MED21: variants seen among roughly 807,000 people sequenced by gnomAD.
MED21 encodes the protein mediator of RNA polymerase II transcription subunit 21.
A neutral mutation model predicts 18.2 loss-of-function variants in MED21; 9 were observed. The observed-to-expected ratio is 0.49, with a 90% CI of 0.30 to 0.86. The LOEUF is 0.86. Ranked by LOEUF, MED21 falls within the 40% of genes least tolerant of loss-of-function variation. The probability of loss-of-function intolerance (pLI) is 0.07; values close to 1 mark genes in which losing one functional copy is unlikely to be tolerated. For synonymous variants in MED21, 73 were observed against 60.5 expected (o/e 1.21, Z -0.96); for missense variants, 150 against 170.9 (o/e 0.88, Z 0.68).
downstream of MED21, among the ~76,000 whole-genome samples, chr12:27,031,377 T>G (rs193034510): frequency 3.8e-4 from 58 of 152,296 alleles, no homozygotes; most frequent in African/African-American, 1.4e-3. Context: ...GAGTAAGTTA[T>G]GTATAATAAT....
chr12:27,034,459 A>G (rs4963677), downstream of MED21, among the ~76,000 whole-genome samples: 12,613 of 152,254 alleles, frequency 0.083, 771 homozygotes, highest in East Asian at 0.34. Flanking sequence ...ATAAATTTAA[A>G]TAGATAAACA....
chr12:27,036,200 C>T (rs1941648614), intron 2 of MED21, among the ~76,000 whole-genome samples: 1 of 152,190 alleles, frequency 6.6e-6, no homozygotes. Flanking sequence ...TGATGATGAG[C>T]ATTTTTTCAG....
At position 27,029,534 on chromosome 12, in the gene MED21, T is replaced by G; in HGVS notation, c.*1073T>G. The G allele has an allele frequency of 2.0e-6, 2 of 985,458 alleles. No homozygotes were observed. The highest frequency in any genetic ancestry group is 2.4e-6 in the Non-Finnish European group (2 of 829,940). The allele number at this position is 985,458 out of a possible 1,614,324, so 61.0% of individuals were successfully genotyped here. A position where few individuals can be genotyped will look rare whatever the true frequency, so the allele number is the denominator to read the frequency against. ...CTGCAATCTGTTGCTATTCAGAGTT[T>G]AAGTTTCAGGAGAAAACAGGAACAA... is the stretch of plus-strand genomic sequence containing the variant. On this transcript the variant is annotated 3_prime_UTR_variant, in exon 4 of 4. Coordinates refer to ENST00000282892, the MANE Select transcript of MED21 (RefSeq NM_004264.5).
At chr12:27,023,200 T>G (rs1403419996) in intron 1 of MED21, among the ~76,000 whole-genome samples, 1 of 151,960 alleles carries the variant, frequency 6.6e-6, no homozygotes, top group African/African-American at 2.4e-5. Flanking sequence ...CTCTTGCCTC[T>G]TGGCCATCCC....
At chr12:27,037,620 A>G (rs1181856308) in intron 2 of MED21, 1 of 152,196 alleles carries the variant, frequency 6.6e-6, no homozygotes, top group Non-Finnish European at 1.5e-5. Flanking sequence ...ATCACAATAA[A>G]TGTATGTTTA....
chr12:27,022,609 C>A lies in MED21; in HGVS notation c.30C>A (p.Asp10Glu), dbSNP rs760630126. 2 of 1,589,332 alleles carry A rather than the reference C, an allele frequency of 1.3e-6. No homozygotes were observed. The highest frequency in any genetic ancestry group is 1.7e-6 in the Non-Finnish European group (2 of 1,163,184). MADRLTQLQ[D>E]AVNSLADQFC... is the part of the protein sequence containing the mutation. ...CGGATCGGCTCACGCAGCTTCAGGA[C>A]GCTGTGAATTCGGTGAGGAATTTCA... Residue 10 changes from aspartate to glutamate, a missense_variant, in exon 1 of 4, where the codon GAC becomes GAA. By Grantham distance (45) the Asp-to-Glu change is conservative. Coordinates refer to ENST00000282892, the MANE Select transcript of MED21 (RefSeq NM_004264.5).
At chr12:27,031,753 A>C (rs1297022831), downstream of MED21, among the ~76,000 whole-genome samples, 1 of 152,210 alleles carries the variant, frequency 6.6e-6, no homozygotes, top group Non-Finnish European at 1.5e-5. Flanking sequence ...TGATCGAAGA[A>C]TTAGCATTTA....
intron 1 of MED21, among the ~76,000 whole-genome samples, chr12:27,025,903 T>C (rs1191913192): frequency 6.6e-6 from 1 of 152,216 alleles, no homozygotes; most frequent in Non-Finnish European, 1.5e-5. Context: ...AATACATTTC[T>C]GCTTACTTAA....
chr12:27,023,328 C>G (rs1391299467), intron 1 of MED21, among the ~76,000 whole-genome samples: 1 of 59,322 alleles, frequency 1.7e-5, no homozygotes, highest in Non-Finnish European at 2.9e-5. Flanking sequence ...ACTTTGGAGA[C>G]AGTGCCTTTC....
chr12:27,035,480 C>T (rs1406078150), downstream of MED21, among the ~76,000 whole-genome samples: 3 of 148,894 alleles, frequency 2.0e-5, no homozygotes, highest in Non-Finnish European at 4.4e-5. Flanking sequence ...GGTACATGTG[C>T]ACAATGTGCA....
At chr12:27,022,951 T>TA (rs1941492581) in intron 1 of MED21, 2 of 1,155,668 alleles carry the variant, frequency 1.7e-6, no homozygotes, top group Admixed American at 3.7e-5. Context: ...CAGTGGTGCT[T>TA]ACGGGTTCTC....
rs558587252 is a variant in MED21, at chr12:27,028,954, T to C, written c.*493T>C. On this transcript the variant is annotated 3_prime_UTR_variant, in exon 4 of 4. Coordinates refer to ENST00000282892, the MANE Select transcript of MED21 (RefSeq NM_004264.5). ...TGGAAATTGTGTTGCTTTTAAGAAA[T>C]AGAGTTAGTGTGGCTGGATAAGAAA... The C allele has an allele frequency of 7.1e-6, 7 of 985,542 alleles. No homozygotes were observed. The highest frequency in any genetic ancestry group is 1.1e-4 in the East Asian group (1 of 8,802). 61.0% of individuals were successfully genotyped at this position (985,542 alleles called of 1,614,324 possible). A position where few individuals can be genotyped will look rare whatever the true frequency, so the allele number is the denominator to read the frequency against.
chr12:27,028,621 TG>T lies in MED21; in HGVS notation c.*161del. On this transcript the variant is annotated 3_prime_UTR_variant, in exon 4 of 4. Transcript: ENST00000282892. ...TTTAATAGTCTTCTATTTTCACTCT[TG>T]ATAAGCTTATAAAATCATGATTGAA... is the stretch of plus-strand genomic sequence containing the variant. 1 of 1,297,696 alleles carries T rather than the reference TG, an allele frequency of 7.7e-7. No individual in the cohort carries two copies. Among genetic ancestry groups the T allele is most frequent in the Non-Finnish European group, 9.8e-7 (1 of 1,019,854 alleles). The allele number at this position is 1,297,696 out of a possible 1,614,324, so 80.4% of individuals were successfully genotyped here.
Position 27,026,116 on chromosome 12 carries a change from A to AT in MED21, c.43-303dup, listed in dbSNP as rs1815689321. Among the ~76,000 whole-genome samples the AT allele has an allele frequency of 2.0e-5, 3 of 152,230 alleles. No individual in the cohort carries two copies. In the South Asian group the frequency reaches 6.2e-4, roughly 31 times the overall value. ...TGTGGCTTACAATAAGTATTGGCCA[A>AT]TATTCTCTTATCATTTTACTATCAC... On this transcript the variant is annotated intron_variant, in intron 1 of 3. Transcript: ENST00000282892.
At position 27,026,426 on chromosome 12, in the gene MED21, G is replaced by A. The variant is rs754435078; in HGVS notation, c.49G>A (p.Asp17Asn). 10 of 1,610,452 alleles carry A rather than the reference G, an allele frequency of 6.2e-6. No homozygotes were observed. In the Admixed American group the frequency reaches 1.5e-4, roughly 24 times the overall value. Residue 17 changes from aspartate to asparagine, a missense_variant, in exon 2 of 4, where the codon GAT becomes AAT. By Grantham distance (23) the Asp-to-Asn change is conservative (BLOSUM62 1). Transcript: ENST00000282892. Reference sequence around the variant, plus strand: ...ATGTTTTCTTTGGCCTAAGCTTGCAGATCAGTTTTGTAATGCCATTGGAGT... The same window carrying A: ...ATGTTTTCTTTGGCCTAAGCTTGCAAATCAGTTTTGTAATGCCATTGGAGT... ...QLQDAVNSLADQFCNAIGVLQ... is the reference protein window; with the variant it reads ...QLQDAVNSLANQFCNAIGVLQ...
At chr12:27,036,207 T>C (rs959440712) in intron 2 of MED21, among the ~76,000 whole-genome samples, 20 of 152,228 alleles carry the variant, frequency 1.3e-4, no homozygotes, top group Non-Finnish European at 2.6e-4. Context: ...GAGCATTTTT[T>C]CAGTGTCTTT....
Position 27,029,929 on chromosome 12 carries a change from A to G in MED21, c.*1468A>G, listed in dbSNP as rs912079569. 22 of 456,170 alleles carry G rather than the reference A, an allele frequency of 4.8e-5. No homozygotes were observed. Among genetic ancestry groups the G allele is most frequent in the Non-Finnish European group, 2.0e-5 (7 of 346,460 alleles). The allele number at this position is 456,170 out of a possible 1,614,324, so 28.3% of individuals were successfully genotyped here. Reference sequence around the variant, plus strand: ...GATTTATCACTAGTAAACCTGCTCTAAAAGAATTCAAGGGAAGCTTTTTAA... The same window carrying G: ...GATTTATCACTAGTAAACCTGCTCTGAAAGAATTCAAGGGAAGCTTTTTAA... On this transcript the variant is annotated 3_prime_UTR_variant, in exon 4 of 4. Coordinates refer to ENST00000282892, the MANE Select transcript of MED21 (RefSeq NM_004264.5).
At chr12:27,038,613 G>A (rs1331638499) in intron 2 of MED21, 1 of 152,206 alleles carries the variant, frequency 6.6e-6, no homozygotes, top group Non-Finnish European at 1.5e-5. Flanking sequence ...TTAATAATTT[G>A]TGCAGGGATA....
At position 27,029,153 on chromosome 12, in the gene MED21, C is replaced by T. The variant is rs985097951; in HGVS notation, c.*692C>T. 6.1e-6 allele frequency: 6 copies of T among 985,044 alleles called. No homozygotes were observed. The highest frequency in any genetic ancestry group is 6.0e-6 in the Non-Finnish European group (5 of 829,802). 61.0% of individuals were successfully genotyped at this position (985,044 alleles called of 1,614,324 possible). A position where few individuals can be genotyped will look rare whatever the true frequency, so the allele number is the denominator to read the frequency against. On this transcript the variant is annotated 3_prime_UTR_variant, in exon 4 of 4. Coordinates refer to ENST00000282892, the MANE Select transcript of MED21 (RefSeq NM_004264.5). ...TCTTTTCACCTTGCTTTTTTTCATC[C>T]TTAATTTGCTTGTCATCACAATGAA...
Sources: allele counts gnomAD v4.1 joint callset (sites outside exome capture counted in the v4.1 genomes callset), GRCh38; gene constraint gnomAD v4.1.1; transcripts MANE v1.5; gene names NCBI Gene and HGNC (gene_info 2026-07-23, HGNC 2026-07-21).